Variants in POLR2E observed in about 807,000 individuals in gnomAD.
The protein encoded by POLR2E is RNA polymerase II, I and III subunit E.
A neutral mutation model predicts 29.8 loss-of-function variants in POLR2E; 35 were observed. That is an observed-to-expected ratio of 1.17 (90% CI 0.90 to 1.55). POLR2E has a LOEUF of 1.55. Among genes scored for constraint, POLR2E ranks in the 40% most tolerant of loss-of-function variants. The pLI is 0.00. For synonymous variants in POLR2E, 174 were observed against 112.6 expected (o/e 1.55, Z -3.45); for missense variants, 287 against 288.6 (o/e 0.99, Z 0.04).
chr19:1,089,418 G>A (rs958458334), intron 7 of POLR2E, 54 bp downstream of exon 7: 8 of 1,197,638 alleles, frequency 6.7e-6, no homozygotes, highest in Middle Eastern at 2.1e-4. Flanking sequence ...CGACGGAGGG[G>A]ACGACACCCC....
chr19:1,094,820 C>A, intron 1 of POLR2E: 1 of 191,080 alleles, frequency 5.2e-6, no homozygotes. Flanking sequence ...CTCCACGTCC[C>A]CATCGAAAGC....
In POLR2E at chr19:1,088,625, G is replaced by A. The variant is rs1255158739; in HGVS notation, c.*110C>T. ...GCCACCTGCCTTGGGGAGTCCAGAG[G>A]AGCAGCAGCCGTGAGAGCTGTGGGG... On this transcript the variant is annotated 3_prime_UTR_variant, in exon 8 of 8. Coordinates refer to ENST00000615234, the MANE Select transcript of POLR2E (RefSeq NM_002695.5). 2 of 152,622 alleles carry A rather than the reference G, an allele frequency of 1.3e-5. No homozygotes were observed. The highest frequency in any genetic ancestry group is 3.8e-4 in the East Asian group (2 of 5,206). The allele number at this position is 152,622 out of a possible 1,614,324, so 9.5% of individuals were successfully genotyped here.
At chr19:1,092,252 TC>T in intron 2 of POLR2E, 1 of 253,648 alleles carries the variant, frequency 3.9e-6, no homozygotes, top group South Asian at 4.8e-5. Context: ...CAAGCAGACC[TC>T]ACACCCCAGG....
Position 1,090,127 on chromosome 19 carries a change from C to G in POLR2E, c.448G>C (p.Val150Leu), listed in dbSNP as rs374965254. The G allele has an allele frequency of 1.9e-6, 3 of 1,612,626 alleles. No individual in the cohort carries two copies. Among genetic ancestry groups the G allele is most frequent in the Non-Finnish European group, 2.5e-6 (3 of 1,179,950 alleles). ...TEHELVPEHV[V>L]MTKEEVTELL... Reference sequence around the variant, plus strand: ...TCTGTCACCTCCTCCTTGGTCATGACGACGTGCTCAGGGACTAGCTGCCGA... The same window carrying G: ...TCTGTCACCTCCTCCTTGGTCATGAGGACGTGCTCAGGGACTAGCTGCCGA... The change falls in exon 5 of 8, where the codon GTC (valine) becomes CTC (leucine). Residue 150 changes from valine (V) to leucine (L), a missense_variant. By Grantham distance (32) the Val-to-Leu change is conservative. Coordinates refer to ENST00000615234, the MANE Select transcript of POLR2E (RefSeq NM_002695.5).
chr19:1,094,409 G>A (rs112472350), intron 1 of POLR2E: 1 of 304,820 alleles, frequency 3.3e-6, no homozygotes, highest in African/African-American at 2.2e-5. Flanking sequence ...GCGGGGCGCG[G>A]AGGCTCACGC....
rs2043674102 is a variant in POLR2E, at chr19:1,086,663, T to C, written c.*2072A>G. On this transcript the variant is annotated 3_prime_UTR_variant, in exon 8 of 8. Transcript: ENST00000615234. ...TGGCAGCTGCAAGCTTAGAAGATTT[T>C]CTGTGGCAGCTGCAAGCTTAGAAGA... The C allele has an allele frequency of 6.6e-6, 1 of 150,976 alleles. No homozygotes were observed. Among genetic ancestry groups the C allele is most frequent in the Non-Finnish European group, 1.5e-5 (1 of 67,950 alleles). 9.4% of individuals were successfully genotyped at this position (150,976 alleles called of 1,614,324 possible).
In POLR2E at chr19:1,091,769, CG is replaced by C. The variant is rs768981684; in HGVS notation, c.348+22del. The C allele has an allele frequency of 2.8e-5, 32 of 1,159,354 alleles. No individual in the cohort carries two copies. The Admixed American group carries it at 3.0e-4, about 11-fold the overall frequency. The allele number at this position is 1,159,354 out of a possible 1,614,324, so 71.8% of individuals were successfully genotyped here. A position where few individuals can be genotyped will look rare whatever the true frequency, so the allele number is the denominator to read the frequency against. ...GAGGCTGGGGAGGGGGAGAGGCTGGCGGGGTGGGGCAGGGGTGCCCACCTGC... is the reference window on the plus strand; with the variant it reads ...GAGGCTGGGGAGGGGGAGAGGCTGGCGGGTGGGGCAGGGGTGCCCACCTGC... On this transcript the variant is annotated intron_variant, in intron 3 of 7. Coordinates refer to ENST00000615234, the MANE Select transcript of POLR2E (RefSeq NM_002695.5).
chr19:1,093,759 A>G, intron 2 of POLR2E, 145 bp downstream of exon 2: 1 of 1,414,664 alleles, frequency 7.1e-7, no homozygotes, highest in Non-Finnish European at 9.2e-7. Flanking sequence ...CACCCACAGC[A>G]AGGAAGGGGA....
At chr19:1,091,652 C>A in intron 3 of POLR2E, 140 bp downstream of exon 3, 1 of 637,230 alleles carries the variant, frequency 1.6e-6, no homozygotes, top group East Asian at 2.8e-5. Flanking sequence ...CGGGGCTTGC[C>A]GGACATCCCG....
Position 1,091,021 on chromosome 19 carries a change from AG to A in POLR2E, c.349-34del, listed in dbSNP as rs1568511465. On this transcript the variant is annotated intron_variant, in intron 3 of 7. Transcript: ENST00000615234. ...AGAGCGGCTCTAAGGCACGGCCCGG[AG>A]GGGCCCAGACAACCCCAACCCCATT... 4 of 1,599,102 alleles carry A rather than the reference AG, an allele frequency of 2.5e-6. No homozygotes were observed. The East Asian group carries it at 8.9e-5, about 36-fold the overall frequency.
intron 1 of POLR2E, chr19:1,094,302 G>T (rs956333284): frequency 1.0e-5 from 5 of 499,618 alleles, no homozygotes; most frequent in Non-Finnish European, 1.8e-5. Flanking sequence ...GTCCAGCCTT[G>T]ACCAAGACCG....
At chr19:1,094,441 A>T (rs2043900494) in intron 1 of POLR2E, 1 of 233,360 alleles carries the variant, frequency 4.3e-6, no homozygotes, top group Admixed American at 5.7e-5. Flanking sequence ...GTACTTAGGG[A>T]GGCTGAGGCA....
chr19:1,093,311 C>A (rs1233993705), intron 2 of POLR2E, among the ~76,000 whole-genome samples: 1 of 152,270 alleles, frequency 6.6e-6, no homozygotes, highest in Non-Finnish European at 1.5e-5. Context: ...CGCTTGCAAT[C>A]CCCCAACCGC....
At chr19:1,093,385 G>A (rs2043878007) in intron 2 of POLR2E, among the ~76,000 whole-genome samples, 1 of 152,084 alleles carries the variant, frequency 6.6e-6, no homozygotes, top group African/African-American at 2.4e-5. Context: ...AGCAGGTGCT[G>A]AAACCGAGGG....
chr19:1,088,770 C>T (rs1000635686), intron 7 of POLR2E, 50 bp from the exon 8 acceptor site: 1 of 150,728 alleles, frequency 6.6e-6, no homozygotes, highest in African/African-American at 2.4e-5. Flanking sequence ...CCAGTATGCC[C>T]AGGACAGCAC....
At chr19:1,092,003 C>T (rs1189771854) in intron 2 of POLR2E, 96 bp from the exon 3 acceptor site, 1 of 828,076 alleles carries the variant, frequency 1.2e-6, no homozygotes, top group Non-Finnish European at 2.1e-6. Flanking sequence ...CCCCATTCCA[C>T]ACAGGTGTCT....
chr19:1,094,026 A>G lies in POLR2E; in HGVS notation c.110T>C (p.Leu37Pro). 1.2e-6 allele frequency: 2 copies of G among 1,613,758 alleles called. No homozygotes were observed. The highest frequency in any genetic ancestry group is 2.2e-5 in the South Asian group (2 of 91,072). Residue 37 changes from leucine (L) to proline (P), a missense_variant, in exon 2 of 8, where the codon CTG becomes CCG. By Grantham distance (98) the Leu-to-Pro change is moderately conservative. Transcript: ENST00000615234. ...LVTQDELDQTLEEFKAQSGDK... is the reference protein window; with the variant it reads ...LVTQDELDQTPEEFKAQSGDK... ...CCCAGATTGGGCTTTGAACTCCTCC[A>G]GGGTCTGGTCAAGCTCGTCCTGGGT...
chr19:1,090,163 C>T lies in POLR2E; in HGVS notation c.430-18G>A. On this transcript the variant is annotated intron_variant, in intron 4 of 7. Coordinates refer to ENST00000615234, the MANE Select transcript of POLR2E (RefSeq NM_002695.5). The stretch of plus-strand genomic sequence containing the variant: ...GGGACTAGCTGCCGAGAGAGGAAGC[C>T]ACCAGGCATCACCAAGGGCTGGTGA... 6.2e-7 allele frequency: 1 copy of T among 1,610,996 alleles called. No homozygotes were observed. Among genetic ancestry groups the T allele is most frequent in the South Asian group, 1.1e-5 (1 of 91,004 alleles).
At position 1,094,057 on chromosome 19, in the gene POLR2E, G is replaced by A. The variant is rs201623153; in HGVS notation, c.79C>T (p.Leu27=). 16 of 1,612,572 alleles carry A rather than the reference G, an allele frequency of 9.9e-6. No homozygotes were observed. Among genetic ancestry groups the A allele is most frequent in the Non-Finnish European group, 1.4e-5 (16 of 1,179,416 alleles). ...TGGTCAAGCTCGTCCTGGGTCACCAGATAGCCACGGTCGTGGCACAGCTGC... is the reference window on the plus strand; with the variant it reads ...TGGTCAAGCTCGTCCTGGGTCACCAAATAGCCACGGTCGTGGCACAGCTGC... ...IMQLCHDRGY[L]VTQDELDQTL... is the part of the protein sequence containing the mutation. Residue 27 remains leucine (L), a synonymous_variant, in exon 2 of 8, where the codon CTG becomes TTG. Coordinates refer to ENST00000615234, the MANE Select transcript of POLR2E (RefSeq NM_002695.5).
Sources: gnomAD v4.1 joint callset for allele counts (sites outside exome capture counted in the v4.1 genomes callset) on GRCh38, gnomAD v4.1.1 for gene constraint, MANE v1.5 for transcripts, NCBI Gene and HGNC (gene_info 2026-07-23, HGNC 2026-07-21) for gene names.